The following RAPGEF4 variants were observed in gnomAD, a reference collection of about 807,000 sequenced individuals.
RAPGEF4 encodes the protein Rap guanine nucleotide exchange factor 4.
In RAPGEF4, 66 loss-of-function variants were observed where a neutral mutation model predicts 147.9. That is an observed-to-expected ratio of 0.45 (90% CI 0.37 to 0.55). The LOEUF is 0.55. RAPGEF4 is among the 20% of genes least tolerant of loss of function. The pLI, the probability that RAPGEF4 is intolerant of heterozygous loss-of-function variation, is 0.00. For missense variants in RAPGEF4, 1,071 were observed against 1,257.3 expected, an observed-to-expected ratio of 0.85 and a Z score of 2.24; for synonymous variants, 419 against 442.7, an observed-to-expected ratio of 0.95 and a Z score of 0.67.
chr2:172,831,528 C>CA (rs1690359175), intron 4 of RAPGEF4, among the ~76,000 whole-genome samples: 1 of 151,792 alleles, frequency 6.6e-6, no homozygotes, highest in African/African-American at 2.4e-5. Context: ...CTCAGCTGCC[C>CA]AAAGTGTTGG....
Position 172,878,101 on chromosome 2 carries a change from C to T in RAPGEF4, c.445-39701C>T, listed in dbSNP as rs180727767. ...GCTCTTTGCATTAGAATCTGCACTT[C>T]AAATGAATTAATTCTACACCCACCT... On this transcript the variant is annotated intron_variant, in intron 4 of 30. Coordinates refer to ENST00000397081, the MANE Select transcript of RAPGEF4 (RefSeq NM_007023.4). Among the ~76,000 whole-genome samples, 495 of 152,284 alleles carry T rather than the reference C, an allele frequency of 3.3e-3. 1 individual carries two copies. The highest frequency in any genetic ancestry group is 0.011 in the African/African-American group (461 of 41,550).
chr2:172,973,962 T>G (rs1178220712), intron 10 of RAPGEF4, among the ~76,000 whole-genome samples: 1 of 152,164 alleles, frequency 6.6e-6, no homozygotes, highest in Non-Finnish European at 1.5e-5. Context: ...AGATTACAAG[T>G]CTCTTAAGGT....
chr2:172,789,462 GT>G (rs1414100336), intron 1 of RAPGEF4, among the ~76,000 whole-genome samples: 1 of 149,828 alleles, frequency 6.7e-6, no homozygotes, highest in African/African-American at 2.5e-5. Flanking sequence ...TTATTTTATT[GT>G]GTTAAGAACA....
intron 1 of RAPGEF4, among the ~76,000 whole-genome samples, chr2:172,753,826 G>A (rs1021004045): frequency 2.6e-5 from 4 of 151,028 alleles, no homozygotes; most frequent in South Asian, 2.1e-4. Flanking sequence ...TTCCTCTTTC[G>A]GTTTGTGAGG....
chr2:172,936,066 G>A lies in RAPGEF4; in HGVS notation c.537+13766G>A, dbSNP rs552913071. 7.3e-4 allele frequency among the ~76,000 whole-genome samples: 111 copies of A among 152,190 alleles called. 1 individual carries two copies. In the South Asian group the frequency reaches 0.022, roughly 30 times the overall value. The stretch of plus-strand genomic sequence containing the variant: ...TGATCATAAATATAATACTTATGTT[G>A]AATATTTGGAAAAATAAGTGTTTTT... On this transcript the variant is annotated intron_variant, in intron 6 of 30. Coordinates refer to ENST00000397081, the MANE Select transcript of RAPGEF4 (RefSeq NM_007023.4).
chr2:172,746,579 C>G (rs1045346807), intron 1 of RAPGEF4, among the ~76,000 whole-genome samples: 5 of 151,770 alleles, frequency 3.3e-5, no homozygotes, highest in African/African-American at 1.2e-4. Context: ...GTAAGCATAT[C>G]AAAATGGATG....
At chr2:172,869,377 G>A (rs184868720) in intron 4 of RAPGEF4, among the ~76,000 whole-genome samples, 37 of 152,316 alleles carry the variant, frequency 2.4e-4, no homozygotes, top group Non-Finnish European at 4.6e-4. Flanking sequence ...AGCATCTGAA[G>A]TTAAAATATT....
At chr2:172,764,168 C>T (rs908366213) in intron 1 of RAPGEF4, among the ~76,000 whole-genome samples, 1 of 151,744 alleles carries the variant, frequency 6.6e-6, no homozygotes, top group Non-Finnish European at 1.5e-5. Flanking sequence ...GTGGCAGGAT[C>T]GCTTGAGCTC....
At chr2:172,996,660 G>T in intron 16 of RAPGEF4, 106 bp downstream of exon 16, 2 of 760,266 alleles carry the variant, frequency 2.6e-6, no homozygotes, top group South Asian at 3.5e-5. Context: ...TTGGGAAGGG[G>T]ATTCTGTGTA....
At chr2:172,824,327 G>A (rs753912620) in intron 4 of RAPGEF4, among the ~76,000 whole-genome samples, 1 of 152,218 alleles carries the variant, frequency 6.6e-6, no homozygotes, top group Non-Finnish European at 1.5e-5. Context: ...CCTCAGATGA[G>A]TCTCTGGACA....
chr2:173,011,159 A>AGTGC (rs1553548082), intron 17 of RAPGEF4, among the ~76,000 whole-genome samples: 5 of 128,416 alleles, frequency 3.9e-5, no homozygotes, highest in Admixed American at 7.5e-5. Context: ...TTGGAACTTC[A>AGTGC]GCGCGCGCGC....
At chr2:173,048,097 A>G (rs963100568) in intron 29 of RAPGEF4, 3 of 152,950 alleles carry the variant, frequency 2.0e-5, no homozygotes, top group Non-Finnish European at 4.4e-5. Flanking sequence ...TTGCTGGAAG[A>G]TTAGAGAGGT....
chr2:172,797,936 TGAAGGA>T (rs931546415), intron 3 of RAPGEF4, among the ~76,000 whole-genome samples: 10 of 152,186 alleles, frequency 6.6e-5, no homozygotes, highest in Non-Finnish European at 1.3e-4. Flanking sequence ...GAAATGTGAG[TGAAGGA>T]GAAGGAGAAG....
At chr2:172,844,705 A>G (rs1341668323) in intron 4 of RAPGEF4, among the ~76,000 whole-genome samples, 5 of 152,194 alleles carry the variant, frequency 3.3e-5, no homozygotes, top group Admixed American at 3.3e-4. Flanking sequence ...TCTTTGAGAC[A>G]TTTGACATTT....
chr2:172,877,494 T>C (rs1696100510), intron 4 of RAPGEF4, among the ~76,000 whole-genome samples: 1 of 148,420 alleles, frequency 6.7e-6, no homozygotes, highest in Admixed American at 6.8e-5. Flanking sequence ...TAACAAACCG[T>C]AAATTTTGCA....
At chr2:173,025,464 A>T (rs1696569124) in intron 23 of RAPGEF4, among the ~76,000 whole-genome samples, 1 of 152,068 alleles carries the variant, frequency 6.6e-6, no homozygotes, top group African/African-American at 2.4e-5. Context: ...TTTTTTGGAG[A>T]TGGAGTCTCA....
Position 172,790,449 on chromosome 2 carries a change from T to C in RAPGEF4, c.66-4576T>C, listed in dbSNP as rs1685690302. On this transcript the variant is annotated intron_variant, in intron 1 of 30. Coordinates refer to ENST00000397081, the MANE Select transcript of RAPGEF4 (RefSeq NM_007023.4). ...GCTAAAGAAAATCAATTCTCTGTAC[T>C]TGGAGCTTTTGCTTGGGGACCAGCT... Among the ~76,000 whole-genome samples the C allele has an allele frequency of 2.0e-5, 3 of 152,300 alleles. No homozygotes were observed. In the South Asian group the frequency reaches 6.2e-4, roughly 32 times the overall value.
rs557086356 is a variant in RAPGEF4 at position 172,928,619 on chromosome 2, A to G, written c.537+6319A>G. Among the ~76,000 whole-genome samples the G allele has an allele frequency of 3.3e-5, 5 of 152,246 alleles. No individual in the cohort carries two copies. In the South Asian group the frequency reaches 6.2e-4, roughly 19 times the overall value. On this transcript the variant is annotated intron_variant, in intron 6 of 30. Coordinates refer to ENST00000397081, the MANE Select transcript of RAPGEF4 (RefSeq NM_007023.4). ...CATTTGGTGATTGTTTTAATATTCT[A>G]TGTTTGGTTTCTTTGCAATTTTTAA...
chr2:172,751,899 C>A (rs1473900485), intron 1 of RAPGEF4, among the ~76,000 whole-genome samples: 1 of 152,112 alleles, frequency 6.6e-6, no homozygotes, highest in African/African-American at 2.4e-5. Flanking sequence ...CTTCACAAAA[C>A]AATGAAAGGG....
Sources: allele counts gnomAD v4.1 joint callset (sites outside exome capture counted in the v4.1 genomes callset), GRCh38; gene constraint gnomAD v4.1.1; transcripts MANE v1.5; gene names NCBI Gene and HGNC (gene_info 2026-07-23, HGNC 2026-07-21).